The following SCP2 variants were observed in gnomAD, a reference collection of about 807,000 sequenced individuals.
SCP2 encodes SCP-2/3-oxoacyl-CoA thiolase.
A neutral mutation model predicts 71.4 loss-of-function variants in SCP2; 48 were observed. That is an observed-to-expected ratio of 0.67 (90% CI 0.53 to 0.86). The LOEUF is 0.86. Among genes scored for constraint, SCP2 ranks in the 40% least tolerant of loss-of-function variants. SCP2 has a pLI of 0.00. For synonymous variants in SCP2, 220 were observed against 218.1 expected (o/e 1.01, Z -0.08); for missense variants, 560 against 655.6 (o/e 0.85, Z 1.59).
At chr1:53,000,576 G>A (rs564004208) in intron 11 of SCP2, among the ~76,000 whole-genome samples, 4 of 152,242 alleles carry the variant, frequency 2.6e-5, no homozygotes, top group African/African-American at 9.6e-5. Context: ...GACTTATTGT[G>A]CACCCACCTC....
intron 3 of SCP2, 21 bp from the exon 4 acceptor site, chr1:52,950,734 A>T (rs773039993): frequency 2.5e-6 from 4 of 1,608,536 alleles, no homozygotes; most frequent in Non-Finnish European, 3.4e-6. Flanking sequence ...TCCATATTAA[A>T]ATTTTTGTTT....
At chr1:53,021,769 C>T (rs980529388) in intron 12 of SCP2, among the ~76,000 whole-genome samples, 2 of 149,802 alleles carry the variant, frequency 1.3e-5, no homozygotes, top group African/African-American at 4.9e-5. Flanking sequence ...CTCAGACTCC[C>T]GAGTAGCTGG....
At chr1:52,976,820 C>T (rs757057131) in intron 8 of SCP2, 51 bp downstream of exon 8, 1 of 908,164 alleles carries the variant, frequency 1.1e-6, no homozygotes, top group Non-Finnish European at 1.9e-6. Context: ...TGCTGCCCTT[C>T]CTGCCACCCC....
intron 14 of SCP2, among the ~76,000 whole-genome samples, chr1:53,046,474 A>G (rs1421258146): frequency 1.3e-5 from 2 of 152,026 alleles, no homozygotes; most frequent in Non-Finnish European, 2.9e-5. Context: ...CTTCTTTTAT[A>G]TAATGCCTAC....
intron 11 of SCP2, among the ~76,000 whole-genome samples, chr1:53,005,864 A>C (rs1477429810): frequency 6.6e-6 from 1 of 152,176 alleles, no homozygotes; most frequent in Non-Finnish European, 1.5e-5. Context: ...CATCGCAAAG[A>C]AGCTAAAAAC....
chr1:53,024,126 G>GA (rs1661939520), intron 12 of SCP2, among the ~76,000 whole-genome samples: 1 of 152,084 alleles, frequency 6.6e-6, no homozygotes, highest in South Asian at 2.1e-4. Context: ...CAGCCTTTTT[G>GA]AAAATCCTGA....
intron 10 of SCP2, among the ~76,000 whole-genome samples, chr1:52,985,636 G>A (rs1252813992): frequency 1.3e-5 from 2 of 152,100 alleles, no homozygotes; most frequent in East Asian, 1.9e-4. Context: ...TCACTCAGAC[G>A]AACAAGCCAA....
chr1:53,008,747 C>T (rs1460320251), intron 11 of SCP2, among the ~76,000 whole-genome samples: 2 of 152,214 alleles, frequency 1.3e-5, no homozygotes, highest in African/African-American at 4.8e-5. Context: ...TCTCACCACT[C>T]CTATTCAACA....
intron 1 of SCP2, among the ~76,000 whole-genome samples, chr1:52,930,722 C>T (rs116782087): frequency 0.035 from 5,330 of 152,234 alleles, 326 homozygotes; most frequent in African/African-American, 0.12. Flanking sequence ...ATTTAATTCT[C>T]ACCACGTAAT....
intron 15 of SCP2, 151 bp downstream of exon 15, chr1:53,048,088 G>A: frequency 1.5e-6 from 1 of 675,930 alleles, no homozygotes; most frequent in Non-Finnish European, 2.7e-6. Flanking sequence ...GGAGCAAGCT[G>A]TGTGCCACAC....
chr1:52,960,881 T>A (rs1403030788), intron 5 of SCP2, among the ~76,000 whole-genome samples: 1 of 151,204 alleles, frequency 6.6e-6, no homozygotes, highest in Non-Finnish European at 1.5e-5. Flanking sequence ...GCCTCCCGAA[T>A]AGCTGGGACT....
rs925713529 is a variant in SCP2 at position 52,977,452 on chromosome 1, G to T, written c.674+683G>T. Among the ~76,000 whole-genome samples the T allele has an allele frequency of 2.0e-5, 3 of 152,338 alleles. No individual in the cohort carries two copies. In the South Asian group the frequency reaches 6.2e-4, roughly 32 times the overall value. ...AAAAGATCTGTTTAAGATCTCGAGA[G>T]TCTTAACTAAAGCAGATGGTTTTGT... On this transcript the variant is annotated intron_variant, in intron 8 of 15. Coordinates refer to ENST00000371514, the MANE Select transcript of SCP2 (RefSeq NM_002979.5).
chr1:52,982,034 T>C (rs1318645998), intron 10 of SCP2, among the ~76,000 whole-genome samples: 1 of 152,170 alleles, frequency 6.6e-6, no homozygotes, highest in Non-Finnish European at 1.5e-5. Flanking sequence ...GATTGTTTTT[T>C]TCACCATATC....
chr1:53,028,535 T>A (rs1199571655), intron 13 of SCP2, among the ~76,000 whole-genome samples: 3 of 151,632 alleles, frequency 2.0e-5, no homozygotes, highest in Non-Finnish European at 2.9e-5. Flanking sequence ...AGTTAAAAAA[T>A]TTTTTTGTTT....
chr1:53,048,063 T>C, intron 15 of SCP2, 126 bp downstream of exon 15: 2 of 723,022 alleles, frequency 2.8e-6, no homozygotes, highest in Non-Finnish European at 5.1e-6. Flanking sequence ...CCCCAAACAG[T>C]TGACAGACGT....
At chr1:53,003,839 T>G (rs1660468859) in intron 11 of SCP2, among the ~76,000 whole-genome samples, 1 of 152,196 alleles carries the variant, frequency 6.6e-6, no homozygotes, top group Non-Finnish European at 1.5e-5. Context: ...TTTTTCTTTC[T>G]TCACAATTTC....
chr1:52,935,743 G>T (rs973265119), intron 1 of SCP2, among the ~76,000 whole-genome samples: 1 of 151,634 alleles, frequency 6.6e-6, no homozygotes, highest in African/African-American at 2.4e-5. Flanking sequence ...TTTGAGACCC[G>T]TCTGGGCAAC....
At chr1:52,931,461 A>T (rs993517569) in intron 1 of SCP2, among the ~76,000 whole-genome samples, 1 of 152,202 alleles carries the variant, frequency 6.6e-6, no homozygotes, top group African/African-American at 2.4e-5. Context: ...ACAGATGAAG[A>T]GGCTCTAGAA....
intron 1 of SCP2, among the ~76,000 whole-genome samples, chr1:52,934,565 C>T (rs1247109337): frequency 8.3e-6 from 1 of 120,556 alleles, no homozygotes; most frequent in African/African-American, 3.1e-5. Flanking sequence ...CATTGATAGA[C>T]GGTTTCAAAT....
Sources: allele counts gnomAD v4.1 joint callset (sites outside exome capture counted in the v4.1 genomes callset), GRCh38; gene constraint gnomAD v4.1.1; transcripts MANE v1.5; gene names NCBI Gene and HGNC (gene_info 2026-07-23, HGNC 2026-07-21).